The following CCDC32 variants were observed in gnomAD, a reference collection of about 807,000 sequenced individuals.
CCDC32 encodes the protein coiled-coil domain containing 32.
A neutral mutation model predicts 20.1 loss-of-function variants in CCDC32; 9 were observed. The observed-to-expected ratio is 0.45, with a 90% CI of 0.27 to 0.78. The LOEUF (loss-of-function observed/expected upper bound fraction) is 0.78. Ranked by LOEUF, CCDC32 falls within the 30% of genes least tolerant of loss-of-function variation. The probability of loss-of-function intolerance (pLI) is 0.16; values close to 1 mark genes in which losing one functional copy is unlikely to be tolerated. For missense variants in CCDC32, 204 were observed against 215.5 expected, an observed-to-expected ratio of 0.95 and a Z score of 0.33; for synonymous variants, 63 against 79.0, an observed-to-expected ratio of 0.80 and a Z score of 1.07.
intron 3 of CCDC32, chr15:40,529,553 A>G (rs1888814438): frequency 6.6e-6 from 1 of 152,204 alleles, no homozygotes; most frequent in South Asian, 2.1e-4. Flanking sequence ...TTGAAATTGT[A>G]TCAAAATAAA....
downstream of CCDC32, among the ~76,000 whole-genome samples, chr15:40,548,723 C>T (rs570431370): frequency 6.6e-6 from 1 of 152,172 alleles, no homozygotes; most frequent in South Asian, 2.1e-4. Flanking sequence ...CTCAGAACTA[C>T]CAAGGAGCAT....
chr15:40,533,848 T>C (rs547478251), downstream of CCDC32, among the ~76,000 whole-genome samples: 1 of 150,864 alleles, frequency 6.6e-6, no homozygotes, highest in Admixed American at 6.6e-5. Context: ...GAGCAAAGAC[T>C]TGGAGGAGAT....
At chr15:40,526,382 C>T (rs1192221130), downstream of CCDC32, among the ~76,000 whole-genome samples, 3 of 152,052 alleles carry the variant, frequency 2.0e-5, no homozygotes, top group Admixed American at 2.0e-4. Context: ...TTCTTAAAAG[C>T]ATAAAATCTT....
intron 3 of CCDC32, among the ~76,000 whole-genome samples, chr15:40,541,460 G>A (rs762624450): frequency 1.2e-4 from 18 of 152,018 alleles, no homozygotes; most frequent in South Asian, 4.1e-4. Flanking sequence ...ATCCTCCCAA[G>A]TAGCTGGGAC....
chr15:40,527,678 T>C (rs1421780331), downstream of CCDC32, among the ~76,000 whole-genome samples: 1 of 152,160 alleles, frequency 6.6e-6, no homozygotes, highest in East Asian at 1.9e-4. Flanking sequence ...GGGGAGCTGG[T>C]GGCTTTATAA....
chr15:40,542,313 TC>T (rs1048678651), intron 3 of CCDC32, among the ~76,000 whole-genome samples: 8 of 152,214 alleles, frequency 5.3e-5, no homozygotes, highest in Admixed American at 1.3e-4. Flanking sequence ...TACCCAATAC[TC>T]CTTCAAATAT....
chr15:40,529,118 G>A (rs1263036606), intron 3 of CCDC32, among the ~76,000 whole-genome samples: 1 of 152,200 alleles, frequency 6.6e-6, no homozygotes, highest in Non-Finnish European at 1.5e-5. Flanking sequence ...CTGCAGGGGT[G>A]GCTTCATCTC....
chr15:40,539,157 G>T, downstream of CCDC32: 1 of 1,214,582 alleles, frequency 8.2e-7, no homozygotes, highest in Non-Finnish European at 1.2e-6. Flanking sequence ...TTTCTCCCCA[G>T]CTCCCGCTCA....
intron 3 of CCDC32, among the ~76,000 whole-genome samples, chr15:40,544,017 G>A (rs1418938436): frequency 6.6e-6 from 1 of 152,146 alleles, no homozygotes; most frequent in Non-Finnish European, 1.5e-5. Flanking sequence ...CTGAACACCT[G>A]TTTGGGGTTT....
chr15:40,560,135 G>A (rs746993002), intron 2 of CCDC32, among the ~76,000 whole-genome samples: 3 of 152,094 alleles, frequency 2.0e-5, no homozygotes, highest in African/African-American at 4.8e-5. Flanking sequence ...TCAGCCTCCC[G>A]AGTAGCTGGG....
chr15:40,553,916 G>GTGTGTT lies in CCDC32; in HGVS notation c.*54_*55insAACACA. 7.4e-6 allele frequency: 1 copy of GTGTGTT among 135,612 alleles called. No individual in the cohort carries two copies. Among genetic ancestry groups the GTGTGTT allele is most frequent in the African/African-American group, 2.4e-4 (1 of 4,132 alleles). The allele number at this position is 135,612 out of a possible 1,614,324, so 8.4% of individuals were successfully genotyped here. A position where few individuals can be genotyped will look rare whatever the true frequency, so the allele number is the denominator to read the frequency against. ...AGACAGCTGCTCGGCGTGTGTGTGT[G>GTGTGTT]TGTGTGTGTGTGTGTGTGTGTGTGT... On this transcript the variant is annotated 3_prime_UTR_variant, in exon 4 of 4. Coordinates refer to ENST00000416810, the MANE Select transcript of CCDC32 (RefSeq NM_001080792.4).
intron 3 of CCDC32, chr15:40,539,482 T>C (rs1393313549): frequency 2.6e-6 from 2 of 780,194 alleles, no homozygotes; most frequent in Non-Finnish European, 4.2e-6. Context: ...TGCGAGGAAG[T>C]GAGGTGTCGA....
chr15:40,561,398 G>A (rs1466004106), intron 2 of CCDC32, among the ~76,000 whole-genome samples: 16 of 151,744 alleles, frequency 1.1e-4, no homozygotes, highest in African/African-American at 3.6e-4. Context: ...GCTTGAACCC[G>A]TGAGGCGGAG....
downstream of CCDC32, chr15:40,539,005 G>C (rs1481000548): frequency 9.7e-5 from 52 of 534,502 alleles, 1 homozygote; most frequent in Non-Finnish European, 3.4e-6. Context: ...TCTTCCCATG[G>C]GTTCTCTAGC....
At chr15:40,538,443 G>A (rs1423486432), downstream of CCDC32, 2 of 152,244 alleles carry the variant, frequency 1.3e-5, no homozygotes, top group Non-Finnish European at 2.9e-5. Flanking sequence ...CAGGGCACCT[G>A]TGGGCACCTC....
chr15:40,559,024 G>GAACTCC (rs1218701083), intron 2 of CCDC32, among the ~76,000 whole-genome samples: 1 of 151,814 alleles, frequency 6.6e-6, no homozygotes, highest in East Asian at 1.9e-4. Flanking sequence ...GGATGGTCTT[G>GAACTCC]AACTCCTGAC....
intron 3 of CCDC32, 24 bp from the exon 4 acceptor site, chr15:40,554,151 G>GTC: frequency 1.2e-6 from 2 of 1,602,770 alleles, no homozygotes; most frequent in Non-Finnish European, 1.7e-6. Flanking sequence ...GAATAAAAGG[G>GTC]TGGCTGTGTC....
chr15:40,539,212 C>A (rs916064076), downstream of CCDC32: 1 of 1,527,186 alleles, frequency 6.5e-7, no homozygotes, highest in Middle Eastern at 1.8e-4. Flanking sequence ...TTCTGCACAT[C>A]CCTGCCTGGC....
chr15:40,548,304 C>T (rs1889705068), downstream of CCDC32, among the ~76,000 whole-genome samples: 1 of 152,202 alleles, frequency 6.6e-6, no homozygotes, highest in Non-Finnish European at 1.5e-5. Context: ...ACTGCAACCA[C>T]CTCACAGCTG....
Sources: gnomAD v4.1 joint callset for allele counts (sites outside exome capture counted in the v4.1 genomes callset) on GRCh38, gnomAD v4.1.1 for gene constraint, MANE v1.5 for transcripts, NCBI Gene and HGNC (gene_info 2026-07-23, HGNC 2026-07-21) for gene names.